The following PAX2 variants were observed in gnomAD, a reference collection of about 807,000 sequenced individuals.
PAX2 encodes the protein paired box protein Pax-2.
Under a neutral mutation model 41.7 loss-of-function variants are expected in PAX2, and 9 were observed. The ratio of observed to expected loss-of-function variants is 0.22; its 90% CI spans 0.13 to 0.38. The LOEUF is 0.38. Among genes scored for constraint, PAX2 ranks in the 10% least tolerant of loss-of-function variants. The pLI, the probability that PAX2 is intolerant of heterozygous loss-of-function variation, is 1.00. For missense variants in PAX2, 418 were observed against 531.6 expected (o/e 0.79, Z 2.10); for synonymous variants, 221 against 212.7 (o/e 1.04, Z -0.34).
In PAX2 at chr10:100,787,064, G is replaced by A. The variant is rs890945347; in HGVS notation, c.616+5699G>A. On this transcript the variant is annotated intron_variant, in intron 5 of 9. Transcript: ENST00000355243. ...GGGGGTCAAGGGAAATAGCTTGGGG[G>A]TGGCGGTTAGAGAACATTCAGAGAG... 69 of 1,076,378 alleles carry A rather than the reference G, an allele frequency of 6.4e-5. 2 individuals are homozygous for A. The highest frequency in any genetic ancestry group is 1.7e-5 in the Non-Finnish European group (13 of 754,222). The allele number at this position is 1,076,378 out of a possible 1,614,324, so 66.7% of individuals were successfully genotyped here. A position where few individuals can be genotyped will look rare whatever the true frequency, so the allele number is the denominator to read the frequency against.
chr10:100,742,308 CGCTTG>C (rs1288702828), upstream of PAX2, among the ~76,000 whole-genome samples: 5 of 151,908 alleles, frequency 3.3e-5, no homozygotes. Flanking sequence ...CCTGGAGTCG[CGCTTG>C]GCTTGGCTTG....
At chr10:100,763,863 C>G (rs1455547278) in intron 3 of PAX2, among the ~76,000 whole-genome samples, 6 of 152,164 alleles carry the variant, frequency 3.9e-5, no homozygotes, top group Non-Finnish European at 5.9e-5. Flanking sequence ...TACTCACTGG[C>G]TAGAGGGTAC....
intron 5 of PAX2, among the ~76,000 whole-genome samples, chr10:100,805,506 A>T (rs1342196644): frequency 6.6e-6 from 1 of 152,040 alleles, no homozygotes; most frequent in African/African-American, 2.4e-5. Context: ...CCTACTGTAC[A>T]CCTTGAAAAC....
chr10:100,808,125 A>G (rs756640533), intron 6 of PAX2, among the ~76,000 whole-genome samples: 1 of 152,228 alleles, frequency 6.6e-6, no homozygotes, highest in Non-Finnish European at 1.5e-5. Context: ...AGCAGGGCCC[A>G]TAAAGCAAAT....
rs1276252927 is a variant in PAX2 at position 100,824,921 on chromosome 10, A to G, written c.1021+172A>G. On this transcript the variant is annotated intron_variant, in intron 8 of 9. Coordinates refer to ENST00000355243, the MANE Select transcript of PAX2 (RefSeq NM_000278.5). The surrounding 1 kb of genome is among the most constrained non-coding windows in gnomAD (Gnocchi z 6.6). ...CCTTAGAGGCTGCAGTTGGTCCCTC[A>G]TCCTCCCTCATGAGCAAGCCGGGGA... 3.1e-6 allele frequency: 5 copies of G among 1,613,980 alleles called. No individual in the cohort carries two copies. The highest frequency in any genetic ancestry group is 1.1e-5 in the South Asian group (1 of 91,058).
chr10:100,747,495 G>T, intron 1 of PAX2: 1 of 402,336 alleles, frequency 2.5e-6, no homozygotes, highest in Non-Finnish European at 3.3e-6. Flanking sequence ...TTTTTTAAAA[G>T]CTAAAATTCT....
At position 100,753,695 on chromosome 10, in the gene PAX2, G is replaced by A. The variant is rs143036534; in HGVS notation, c.410+2804G>A. Reference sequence around the variant, plus strand: ...CACATGCTCACCCACCTGAGCTAGTGGTTTTTCATCTTCTCCTTCCCAAAA... The same window carrying A: ...CACATGCTCACCCACCTGAGCTAGTAGTTTTTCATCTTCTCCTTCCCAAAA... On this transcript the variant is annotated intron_variant, in intron 3 of 9. Coordinates refer to ENST00000355243, the MANE Select transcript of PAX2 (RefSeq NM_000278.5). Among the ~76,000 whole-genome samples, 819 of 152,314 alleles carry A rather than the reference G, an allele frequency of 5.4e-3. 7 individuals are homozygous for A. The highest frequency in any genetic ancestry group is 0.019 in the African/African-American group (776 of 41,562).
At position 100,750,642 on chromosome 10, in the gene PAX2, C is replaced by T. The variant is rs1845405440; in HGVS notation, c.213-52C>T. ...AGCAGCTCTGGAACCTGCAGCCCCC[C>T]TGCCCCGCCACAGTCCGCTTCTGGC... On this transcript the variant is annotated intron_variant, in intron 2 of 9. Transcript: ENST00000355243. This position sits in a 1 kb window ranked among gnomAD's most constrained non-coding sequence, Gnocchi z 4.1. 9 of 1,525,248 alleles carry T rather than the reference C, an allele frequency of 5.9e-6. No homozygotes were observed. Among genetic ancestry groups the T allele is most frequent in the South Asian group, 2.3e-5 (2 of 88,812 alleles). 94.5% of individuals were successfully genotyped at this position (1,525,248 alleles called of 1,614,324 possible).
At position 100,746,144 on chromosome 10, in the gene PAX2, G is replaced by A. The variant is rs1315010589; in HGVS notation, c.-117G>A. 1.3e-6 allele frequency: 2 copies of A among 1,589,156 alleles called. No individual in the cohort carries two copies. Among genetic ancestry groups the A allele is most frequent in the African/African-American group, 1.3e-5 (1 of 74,678 alleles). ...CCCCCGCGCGCCCCGCAGCAGCCGG[G>A]CGTTCACTCATCCTCCCTCCCCCAC... is the stretch of plus-strand genomic sequence containing the variant. On this transcript the variant is annotated 5_prime_UTR_variant, in exon 1 of 10. Coordinates refer to ENST00000355243, the MANE Select transcript of PAX2 (RefSeq NM_000278.5).
chr10:100,808,636 GGGCTGTCATT>G (rs1847881898), intron 6 of PAX2, among the ~76,000 whole-genome samples: 1 of 151,974 alleles, frequency 6.6e-6, no homozygotes, highest in Non-Finnish European at 1.5e-5. Flanking sequence ...GGGGCCCATG[GGGCTGTCATT>G]GTTTGTTTTT....
In PAX2 at chr10:100,749,931, T is replaced by C; in HGVS notation, c.212+17T>C. The C allele has an allele frequency of 6.2e-7, 1 of 1,609,640 alleles. No homozygotes were observed. Among genetic ancestry groups the C allele is most frequent in the Non-Finnish European group, 8.5e-7 (1 of 1,179,220 alleles). On this transcript the variant is annotated intron_variant, in intron 2 of 9. Transcript: ENST00000355243. The stretch of plus-strand genomic sequence containing the variant: ...CCTGGGCAGGTGAGGGCTTCGCAGC[T>C]GTCCCGGGAGACGCCTTGCCTACTT...
In PAX2 at chr10:100,750,994, T is replaced by C. The variant is rs976517797; in HGVS notation, c.410+103T>C. 1.1e-5 allele frequency: 10 copies of C among 912,998 alleles called. No individual in the cohort carries two copies. Among genetic ancestry groups the C allele is most frequent in the Non-Finnish European group, 1.8e-5 (10 of 561,514 alleles). The allele number at this position is 912,998 out of a possible 1,614,324, so 56.6% of individuals were successfully genotyped here. A position where few individuals can be genotyped will look rare whatever the true frequency, so the allele number is the denominator to read the frequency against. On this transcript the variant is annotated intron_variant, in intron 3 of 9. Coordinates refer to ENST00000355243, the MANE Select transcript of PAX2 (RefSeq NM_000278.5). The surrounding 1 kb of genome is among the most constrained non-coding windows in gnomAD (Gnocchi z 4.1). ...TCTGCTCTTTGTCCAGCCTCTGCCCTTTCTCCCTGCTTCCAGCCCCAAATC... is the reference window on the plus strand; with the variant it reads ...TCTGCTCTTTGTCCAGCCTCTGCCCCTTCTCCCTGCTTCCAGCCCCAAATC...
At chr10:100,765,806 C>A (rs1846001842) in intron 3 of PAX2, among the ~76,000 whole-genome samples, 1 of 151,968 alleles carries the variant, frequency 6.6e-6, no homozygotes, top group Admixed American at 6.5e-5. Flanking sequence ...CACACACATA[C>A]ACCTCTTAAT....
At chr10:100,740,444 C>T (rs1844913530) in intron 1 of PAX2, among the ~76,000 whole-genome samples, 1 of 152,308 alleles carries the variant, frequency 6.6e-6, no homozygotes, top group South Asian at 2.1e-4. Flanking sequence ...CAAAATAAAA[C>T]AGGAAGGCGG....
chr10:100,793,018 A>G (rs778643856), intron 5 of PAX2, among the ~76,000 whole-genome samples: 27 of 152,214 alleles, frequency 1.8e-4, no homozygotes, highest in Non-Finnish European at 3.5e-4. Flanking sequence ...CTAAACAAGC[A>G]TACTTAGGGC....
intron 3 of PAX2, among the ~76,000 whole-genome samples, chr10:100,762,329 G>T (rs988647857): frequency 2.0e-5 from 3 of 152,156 alleles, no homozygotes; most frequent in South Asian, 2.1e-4. Flanking sequence ...GTTCCAAGTG[G>T]CATTGACATG....
chr10:100,820,211 T>A (rs1043368598), intron 7 of PAX2, among the ~76,000 whole-genome samples: 1 of 152,242 alleles, frequency 6.6e-6, no homozygotes, highest in African/African-American at 2.4e-5. Flanking sequence ...GTTTGTCAGA[T>A]GACTTCTTTT....
intron 5 of PAX2, among the ~76,000 whole-genome samples, chr10:100,794,646 G>T (rs907688743): frequency 6.6e-6 from 1 of 152,198 alleles, no homozygotes; most frequent in Non-Finnish European, 1.5e-5. Context: ...CTGAACTCCA[G>T]AGACAGTCTA....
At chr10:100,736,593 C>T (rs1844781850) in intron 1 of PAX2, among the ~76,000 whole-genome samples, 1 of 138,374 alleles carries the variant, frequency 7.2e-6, no homozygotes, top group African/African-American at 3.5e-5. Context: ...TTCCTTGCTC[C>T]CCCCTCCCCC....
Sources: allele counts gnomAD v4.1 joint callset (sites outside exome capture counted in the v4.1 genomes callset), GRCh38; gene constraint gnomAD v4.1.1; non-coding constraint Gnocchi (gnomAD v3.1); transcripts MANE v1.5; gene names NCBI Gene and HGNC (gene_info 2026-07-23, HGNC 2026-07-21).